The following RALYL variants were observed in gnomAD, a reference collection of about 807,000 sequenced individuals.
The protein encoded by RALYL is RALY RNA binding protein like, also known as RNA-binding Raly-like protein.
RALYL carries 29 observed loss-of-function variants against 35.1 expected under a neutral mutation model. That is an observed-to-expected ratio of 0.83 (90% CI 0.61 to 1.13). The LOEUF is 1.13. Ranked by LOEUF, RALYL falls within the 50% of genes most tolerant of loss-of-function variation. The pLI, the probability that RALYL is intolerant of heterozygous loss-of-function variation, is 0.00. For synonymous variants in RALYL, 120 were observed against 127.6 expected, an observed-to-expected ratio of 0.94 and a Z score of 0.40; for missense variants, 359 against 360.4, an observed-to-expected ratio of 1.00 and a Z score of 0.03.
chr8:84,223,596 C>T (rs536314547), intron 1 of RALYL, among the ~76,000 whole-genome samples: 38 of 152,296 alleles, frequency 2.5e-4, no homozygotes, highest in Admixed American at 7.8e-4. Context: ...CCTTAATCTA[C>T]ACAATGCAGC....
At chr8:84,623,615 A>G (rs1822064883) in intron 2 of RALYL, among the ~76,000 whole-genome samples, 1 of 152,086 alleles carries the variant, frequency 6.6e-6, no homozygotes. Flanking sequence ...AGGGGAGAGT[A>G]TGAGATGAGA....
intron 1 of RALYL, among the ~76,000 whole-genome samples, chr8:84,401,546 G>A (rs1478026723): frequency 2.0e-5 from 3 of 146,464 alleles, no homozygotes; most frequent in Admixed American, 7.0e-5. Context: ...GCTGAGGCAG[G>A]AGAATGGCAT....
At chr8:84,796,443 G>A (rs999235537) in intron 3 of RALYL, among the ~76,000 whole-genome samples, 4 of 152,128 alleles carry the variant, frequency 2.6e-5, no homozygotes. Context: ...ATTACATAAA[G>A]AAGACTCTTT....
intron 2 of RALYL, among the ~76,000 whole-genome samples, chr8:84,564,034 A>G (rs145564030): frequency 1.3e-5 from 2 of 151,890 alleles, no homozygotes; most frequent in East Asian, 1.9e-4. Flanking sequence ...CAATTTCTTC[A>G]TATAAACTAC....
intron 4 of RALYL, among the ~76,000 whole-genome samples, chr8:84,806,774 T>C (rs1824717498): frequency 6.6e-6 from 1 of 152,118 alleles, no homozygotes; most frequent in Admixed American, 6.6e-5. Flanking sequence ...AAAGTATGTA[T>C]GCTAAGGTGG....
intron 1 of RALYL, among the ~76,000 whole-genome samples, chr8:84,383,071 A>G (rs1304954377): frequency 6.6e-6 from 1 of 151,760 alleles, no homozygotes; most frequent in African/African-American, 2.4e-5. Flanking sequence ...ATTTTCAAGC[A>G]TTTTGTTTTT....
intron 1 of RALYL, among the ~76,000 whole-genome samples, chr8:84,423,657 C>T (rs1391684065): frequency 4.6e-5 from 7 of 151,874 alleles, no homozygotes; most frequent in Middle Eastern, 3.4e-3. Context: ...ATGGTCTTTA[C>T]ATTTTGGCAT....
At chr8:84,910,059 G>A (rs1388586953) in intron 8 of RALYL, among the ~76,000 whole-genome samples, 5 of 152,096 alleles carry the variant, frequency 3.3e-5, no homozygotes, top group African/African-American at 4.8e-5. Context: ...ATGGACAGAG[G>A]AAGAGGCTGT....
chr8:84,288,562 C>G (rs938302447), intron 1 of RALYL, among the ~76,000 whole-genome samples: 1 of 152,132 alleles, frequency 6.6e-6, no homozygotes, highest in Non-Finnish European at 1.5e-5. Flanking sequence ...TTAGTTGCAT[C>G]TTTTTTCTGC....
chr8:84,221,534 C>G (rs979755522), intron 1 of RALYL, among the ~76,000 whole-genome samples: 3 of 151,982 alleles, frequency 2.0e-5, no homozygotes, highest in Non-Finnish European at 2.9e-5. Context: ...CAAATTACTT[C>G]TCTTTTCTAA....
At chr8:84,507,498 T>C (rs1446682279) in intron 1 of RALYL, among the ~76,000 whole-genome samples, 2 of 152,146 alleles carry the variant, frequency 1.3e-5, no homozygotes, top group Non-Finnish European at 2.9e-5. Flanking sequence ...CTGGTTAGTA[T>C]GTTGCAATTA....
chr8:84,605,947 T>G (rs1327692075), intron 2 of RALYL, among the ~76,000 whole-genome samples: 1 of 152,122 alleles, frequency 6.6e-6, no homozygotes, highest in Non-Finnish European at 1.5e-5. Context: ...CCAGAGTTAT[T>G]TGTGAGATTC....
intron 2 of RALYL, among the ~76,000 whole-genome samples, chr8:84,550,947 G>A (rs2060677030): frequency 6.6e-6 from 1 of 151,632 alleles, no homozygotes; most frequent in South Asian, 2.1e-4. Context: ...ATTACCCAAG[G>A]TATAAATATA....
chr8:84,702,816 A>G (rs1024499735), intron 2 of RALYL, among the ~76,000 whole-genome samples: 6 of 152,184 alleles, frequency 3.9e-5, no homozygotes, highest in African/African-American at 9.6e-5. Flanking sequence ...ATTTATCCCA[A>G]TGTATCAATG....
At chr8:84,401,829 T>TG (rs1289261881) in intron 1 of RALYL, among the ~76,000 whole-genome samples, 18 of 151,948 alleles carry the variant, frequency 1.2e-4, no homozygotes, top group African/African-American at 4.1e-4. Context: ...TAAAACTTTT[T>TG]TTTTTTTTCT....
intron 5 of RALYL, among the ~76,000 whole-genome samples, chr8:84,855,927 T>C (rs1836870031): frequency 6.6e-6 from 1 of 152,220 alleles, no homozygotes; most frequent in Non-Finnish European, 1.5e-5. Context: ...ATTTTGACTT[T>C]GTGTTAATTG....
intron 2 of RALYL, among the ~76,000 whole-genome samples, chr8:84,747,103 C>T (rs1000814413): frequency 6.6e-6 from 1 of 151,640 alleles, no homozygotes; most frequent in Admixed American, 6.6e-5. Context: ...ACCATATGTC[C>T]AGTTAAAATT....
At chr8:84,883,546 T>A (rs1586954434) in intron 7 of RALYL, among the ~76,000 whole-genome samples, 1 of 152,058 alleles carries the variant, frequency 6.6e-6, no homozygotes, top group East Asian at 1.9e-4. Context: ...AACCATCAGA[T>A]CTTGTGAGAC....
intron 2 of RALYL, among the ~76,000 whole-genome samples, chr8:84,755,740 C>T (rs1222905666): frequency 6.6e-6 from 1 of 151,612 alleles, no homozygotes; most frequent in East Asian, 1.9e-4. Flanking sequence ...AATTATGTGG[C>T]CACAGTAGAA....
Sources: gnomAD v4.1 joint callset for allele counts (sites outside exome capture counted in the v4.1 genomes callset) on GRCh38, gnomAD v4.1.1 for gene constraint, MANE v1.5 for transcripts, NCBI Gene and HGNC (gene_info 2026-07-23, HGNC 2026-07-21) for gene names.